The following WHRN variants were observed in gnomAD, a reference collection of about 807,000 sequenced individuals.
The protein encoded by WHRN is whirlin.
In WHRN, 41 loss-of-function variants were observed where a neutral mutation model predicts 68.3. The observed-to-expected ratio is 0.60, with a 90% CI of 0.47 to 0.78. The LOEUF is 0.78. Among genes scored for constraint, WHRN ranks in the 30% least tolerant of loss-of-function variants. WHRN has a pLI of 0.00. For synonymous variants in WHRN, 560 were observed against 561.3 expected (o/e 1.00, Z 0.03); for missense variants, 1,243 against 1,244.7 (o/e 1.00, Z 0.02).
chr9:114,410,170 A>G (rs975057443), intron 7 of WHRN, among the ~76,000 whole-genome samples: 24 of 151,756 alleles, frequency 1.6e-4, no homozygotes, highest in Non-Finnish European at 2.9e-4. Context: ...CCCCACCCCC[A>G]TCCCTGTCTA....
At chr9:114,418,679 C>A (rs775005854) in intron 7 of WHRN, among the ~76,000 whole-genome samples, 1 of 152,220 alleles carries the variant, frequency 6.6e-6, no homozygotes, top group Non-Finnish European at 1.5e-5. Flanking sequence ...TACCTCAGGG[C>A]CTTTGCACAT....
intron 3 of WHRN, among the ~76,000 whole-genome samples, chr9:114,457,139 T>C (rs894242926): frequency 6.6e-6 from 1 of 152,172 alleles, no homozygotes; most frequent in Non-Finnish European, 1.5e-5. Context: ...GAGAAGGAAC[T>C]GTAGGCTGGG....
intron 1 of WHRN, among the ~76,000 whole-genome samples, 153 bp downstream of exon 1, chr9:114,504,031 A>C (rs1589287334): frequency 6.7e-6 from 1 of 150,230 alleles, no homozygotes; most frequent in Non-Finnish European, 1.5e-5. Context: ...TTGCTCTGTA[A>C]GCTATACATT....
In WHRN at chr9:114,402,567, T is replaced by C. The variant is rs779279060; in HGVS notation, c.*187A>G. The C allele has an allele frequency of 2.2e-4, 163 of 742,992 alleles. No homozygotes were observed. Among genetic ancestry groups the C allele is most frequent in the Non-Finnish European group, 3.2e-4 (141 of 438,488 alleles). The allele number at this position is 742,992 out of a possible 1,614,324, so 46.0% of individuals were successfully genotyped here. On this transcript the variant is annotated 3_prime_UTR_variant, in exon 12 of 12. Coordinates refer to ENST00000362057, the MANE Select transcript of WHRN (RefSeq NM_015404.4). ...ACAGCACCAGTTCCTGACCTGACCTTCTGTCTGCCTTGTCCTGCTCTCTTC... is the reference window on the plus strand; with the variant it reads ...ACAGCACCAGTTCCTGACCTGACCTCCTGTCTGCCTTGTCCTGCTCTCTTC...
chr9:114,484,588 G>A (rs144483544), intron 1 of WHRN, among the ~76,000 whole-genome samples: 74 of 152,310 alleles, frequency 4.9e-4, no homozygotes, highest in African/African-American at 1.7e-3. Context: ...TCATTAGAGT[G>A]CTGTGTTCCC....
At chr9:114,440,762 G>A (rs1335657495) in intron 3 of WHRN, among the ~76,000 whole-genome samples, 3 of 152,136 alleles carry the variant, frequency 2.0e-5, no homozygotes, top group Non-Finnish European at 4.4e-5. Context: ...AGCTTAAAAC[G>A]CCGTGTGCCG....
At chr9:114,458,202 T>C (rs1423011529) in intron 3 of WHRN, among the ~76,000 whole-genome samples, 1 of 152,178 alleles carries the variant, frequency 6.6e-6, no homozygotes, top group Non-Finnish European at 1.5e-5. Flanking sequence ...TCTCTTTTGG[T>C]CTGACCTACT....
At chr9:114,410,244 A>T (rs1204701804) in intron 7 of WHRN, among the ~76,000 whole-genome samples, 1 of 152,154 alleles carries the variant, frequency 6.6e-6, no homozygotes, top group Non-Finnish European at 1.5e-5. Context: ...CTCTTTGCAT[A>T]CTGTCTGTCT....
intron 4 of WHRN, chr9:114,425,586 G>GAGAC (rs1554719362): frequency 1.3e-5 from 2 of 153,062 alleles, no homozygotes; most frequent in East Asian, 3.6e-4. Flanking sequence ...GGAAGGGGGA[G>GAGAC]ACACACACAC....
chr9:114,411,263 C>A (rs146123179), intron 7 of WHRN, among the ~76,000 whole-genome samples: 1 of 152,194 alleles, frequency 6.6e-6, no homozygotes, highest in Non-Finnish European at 1.5e-5. Flanking sequence ...TCCAGCCAGG[C>A]GCGTTAAGGT....
At position 114,424,986 on chromosome 9, in the gene WHRN, A is replaced by G. The variant is rs1458435036; in HGVS notation, c.1203+2T>C. ...GAGAATACCCCTTAGAGGATGTCCT[A>G]CCTTGTTTATTCCTTCTGTTGTGAG... On this transcript the variant is annotated splice_donor_variant, in intron 5 of 11. Coordinates refer to ENST00000362057, the MANE Select transcript of WHRN (RefSeq NM_015404.4). LOFTEE classifies it high-confidence loss of function. The G allele has an allele frequency of 2.5e-6, 4 of 1,613,950 alleles. No individual in the cohort carries two copies. In the African/African-American group the frequency reaches 5.3e-5, roughly 22 times the overall value.
intron 3 of WHRN, among the ~76,000 whole-genome samples, chr9:114,461,068 G>C (rs1840207710): frequency 6.6e-6 from 1 of 152,174 alleles, no homozygotes; most frequent in Non-Finnish European, 1.5e-5. Context: ...AGATAGAAAG[G>C]ACTTTACTGA....
At chr9:114,491,458 AACAC>A (rs56131508) in intron 1 of WHRN, 47,615 of 152,930 alleles carry the variant, frequency 0.31, 8,185 homozygotes, top group Non-Finnish European at 0.38. Context: ...TAAATACATG[AACAC>A]ACACACAAAC....
rs186887268 is a variant in WHRN at position 114,477,689 on chromosome 9, C to T, written c.837+864G>A. On this transcript the variant is annotated intron_variant, in intron 2 of 11. Coordinates refer to ENST00000362057, the MANE Select transcript of WHRN (RefSeq NM_015404.4). ...ACTGAGAACGGAATGGTGGACATCC[C>T]CCTACTGCAGGCTGCACCCTGAGAT... Among the ~76,000 whole-genome samples, 215 of 152,252 alleles carry T rather than the reference C, an allele frequency of 1.4e-3. 5 individuals are homozygous for T. The highest frequency in any genetic ancestry group is 0.013 in the Admixed American group (196 of 15,294).
intron 3 of WHRN, among the ~76,000 whole-genome samples, chr9:114,458,993 T>C (rs1401771097): frequency 6.6e-6 from 1 of 152,208 alleles, no homozygotes; most frequent in Admixed American, 6.5e-5. Context: ...AGGGCATCAC[T>C]TGCCCAAGGT....
chr9:114,430,708 A>G (rs1837343274), intron 3 of WHRN, among the ~76,000 whole-genome samples: 1 of 152,212 alleles, frequency 6.6e-6, no homozygotes, highest in Non-Finnish European at 1.5e-5. Flanking sequence ...AGATTTGAAG[A>G]GGCAGCATAG....
At chr9:114,458,698 G>C (rs923900434) in intron 3 of WHRN, among the ~76,000 whole-genome samples, 5 of 152,164 alleles carry the variant, frequency 3.3e-5, no homozygotes, top group South Asian at 2.1e-4. Flanking sequence ...CCCATGGACA[G>C]AGCGAGCATC....
At chr9:114,448,277 G>C (rs532576669) in intron 3 of WHRN, among the ~76,000 whole-genome samples, 1 of 152,198 alleles carries the variant, frequency 6.6e-6, no homozygotes, top group East Asian at 1.9e-4. Context: ...ACGAAGACAG[G>C]GGCAGAGACT....
chr9:114,504,274 T>C lies in WHRN; in HGVS notation c.528A>G (p.Leu176=), dbSNP rs1178301243. The change falls in exon 1 of 12, where the codon CTA becomes CTG. Residue 176 remains leucine (L), a synonymous_variant. Transcript: ENST00000362057. The part of the protein sequence containing the change: ...IYVSLVEPGS[L]AEKEGLRVGD... Reference sequence around the variant, plus strand: ...CGACCCGCAGTCCTTCCTTCTCAGCTAGAGAGCCTGGTTCCACCAGAGACA... The same window carrying C: ...CGACCCGCAGTCCTTCCTTCTCAGCCAGAGAGCCTGGTTCCACCAGAGACA... 3.1e-6 allele frequency: 5 copies of C among 1,613,938 alleles called. No individual in the cohort carries two copies. Among genetic ancestry groups the C allele is most frequent in the Non-Finnish European group, 4.2e-6 (5 of 1,180,030 alleles).
Sources: gnomAD v4.1 joint callset for allele counts (sites outside exome capture counted in the v4.1 genomes callset) on GRCh38, gnomAD v4.1.1 for gene constraint, MANE v1.5 for transcripts, NCBI Gene and HGNC (gene_info 2026-07-23, HGNC 2026-07-21) for gene names.